CDH18: variants seen among roughly 807,000 people sequenced by gnomAD.
CDH18 encodes cadherin-18.
Under a neutral mutation model 67.9 loss-of-function variants are expected in CDH18, and 31 were observed. That is an observed-to-expected ratio of 0.46 (90% CI 0.34 to 0.62). The LOEUF is 0.62. Ranked by LOEUF, CDH18 falls within the 20% of genes least tolerant of loss-of-function variation. The pLI is 0.01. For synonymous variants in CDH18, 362 were observed against 347.2 expected, an observed-to-expected ratio of 1.04 and a Z score of -0.48; for missense variants, 890 against 975.5, an observed-to-expected ratio of 0.91 and a Z score of 1.17.
At chr5:19,960,000 G>A (rs1156746903) in intron 2 of CDH18, among the ~76,000 whole-genome samples, 3 of 152,028 alleles carry the variant, frequency 2.0e-5, no homozygotes, top group African/African-American at 7.3e-5. Context: ...TGCTAAAAAG[G>A]AAGCTTGTGG....
chr5:20,337,092 T>TTC (rs1340718337), intron 1 of CDH18, among the ~76,000 whole-genome samples: 1 of 152,164 alleles, frequency 6.6e-6, no homozygotes, highest in East Asian at 1.9e-4. Context: ...GAAACCTGAT[T>TTC]TCAGACCCCC....
chr5:20,483,116 T>A (rs1752930309), intron 1 of CDH18, among the ~76,000 whole-genome samples: 1 of 152,024 alleles, frequency 6.6e-6, no homozygotes, highest in South Asian at 2.1e-4. Flanking sequence ...TGTTTCTATG[T>A]GTCAATAGTG....
chr5:20,217,895 T>C (rs1368313399), intron 2 of CDH18, among the ~76,000 whole-genome samples: 1 of 151,576 alleles, frequency 6.6e-6, no homozygotes, highest in African/African-American at 2.4e-5. Flanking sequence ...GATTTCAAGA[T>C]AAAAACTGTA....
chr5:20,381,255 C>T (rs553212356), intron 1 of CDH18, among the ~76,000 whole-genome samples: 1 of 152,164 alleles, frequency 6.6e-6, no homozygotes, highest in Non-Finnish European at 1.5e-5. Context: ...TTAAGTCACA[C>T]AGCCTGTGGT....
intron 2 of CDH18, among the ~76,000 whole-genome samples, chr5:20,092,892 A>G (rs1207361828): frequency 6.6e-6 from 1 of 152,194 alleles, no homozygotes; most frequent in Non-Finnish European, 1.5e-5. Context: ...TGTAAATCTG[A>G]CTGAGATCAC....
chr5:20,285,571 T>C (rs1331952001), intron 1 of CDH18, among the ~76,000 whole-genome samples: 1 of 151,410 alleles, frequency 6.6e-6, no homozygotes, highest in Non-Finnish European at 1.5e-5. Flanking sequence ...ATAAAGTGTA[T>C]TTATAAAGAA....
At chr5:19,568,560 A>C (rs866000215) in intron 8 of CDH18, among the ~76,000 whole-genome samples, 1 of 152,170 alleles carries the variant, frequency 6.6e-6, no homozygotes, top group Non-Finnish European at 1.5e-5. Flanking sequence ...TCTTCTTAGC[A>C]GCCAAACTGA....
At chr5:19,635,588 G>A (rs1485880840) in intron 5 of CDH18, among the ~76,000 whole-genome samples, 2 of 152,098 alleles carry the variant, frequency 1.3e-5, no homozygotes, top group African/African-American at 4.8e-5. Context: ...TGATTAATAA[G>A]TGATTGAGGT....
chr5:20,505,122 A>C (rs577503076), intron 1 of CDH18, among the ~76,000 whole-genome samples: 3 of 152,042 alleles, frequency 2.0e-5, no homozygotes, highest in Non-Finnish European at 2.9e-5. Flanking sequence ...AATCTATTAT[A>C]TGGGGGAAAT....
intron 2 of CDH18, among the ~76,000 whole-genome samples, chr5:20,006,536 CAAAT>C (rs1008589693): frequency 1.3e-5 from 2 of 151,790 alleles, no homozygotes; most frequent in Non-Finnish European, 2.9e-5. Flanking sequence ...TAATTAGAAA[CAAAT>C]AAGTGTTAGT....
intron 1 of CDH18, among the ~76,000 whole-genome samples, chr5:20,377,914 T>TCAATTATGAATTTGCTCCTTTAATGGAG (rs6148934): frequency 1.6e-4 from 25 of 151,516 alleles, no homozygotes; most frequent in East Asian, 5.9e-4. Context: ...TTTTAACTTC[T>TCAATTATGAATTTGCTCCTTTAATGGAG]CAATTATGAA....
chr5:19,550,657 C>A (rs1417592720), intron 8 of CDH18, among the ~76,000 whole-genome samples: 1 of 152,170 alleles, frequency 6.6e-6, no homozygotes, highest in Non-Finnish European at 1.5e-5. Flanking sequence ...TTAATCCAGT[C>A]TATCATTCTT....
chr5:20,389,801 T>A (rs1179692095), intron 1 of CDH18, among the ~76,000 whole-genome samples: 1 of 151,976 alleles, frequency 6.6e-6, no homozygotes, highest in Non-Finnish European at 1.5e-5. Flanking sequence ...TATAGACCAA[T>A]GGAAAAGAAC....
intron 3 of CDH18, among the ~76,000 whole-genome samples, chr5:19,782,176 G>A (rs1775192287): frequency 1.3e-5 from 2 of 152,158 alleles, no homozygotes; most frequent in South Asian, 4.1e-4. Context: ...CACATGTCTG[G>A]GGAGGCCTCA....
At chr5:20,088,291 T>G (rs1745142417) in intron 2 of CDH18, among the ~76,000 whole-genome samples, 1 of 152,218 alleles carries the variant, frequency 6.6e-6, no homozygotes, top group South Asian at 2.1e-4. Flanking sequence ...AGTGAATATT[T>G]GACTTCCTAG....
At chr5:20,005,439 C>T (rs1333936459) in intron 2 of CDH18, among the ~76,000 whole-genome samples, 2 of 151,564 alleles carry the variant, frequency 1.3e-5, no homozygotes, top group African/African-American at 4.8e-5. Flanking sequence ...CACACACACA[C>T]ACACACACAC....
chr5:20,157,626 G>A (rs1751635061), intron 2 of CDH18, among the ~76,000 whole-genome samples: 2 of 145,776 alleles, frequency 1.4e-5, no homozygotes, highest in South Asian at 4.4e-4. Context: ...TTTATTGTAT[G>A]TTTGCACCCT....
chr5:19,929,774 T>C (rs1793478627), intron 2 of CDH18, among the ~76,000 whole-genome samples: 1 of 152,086 alleles, frequency 6.6e-6, no homozygotes, highest in Non-Finnish European at 1.5e-5. Flanking sequence ...AGGCTTTACC[T>C]CTTATTTGCA....
At chr5:20,374,721 T>C (rs913093142) in intron 1 of CDH18, among the ~76,000 whole-genome samples, 1 of 152,144 alleles carries the variant, frequency 6.6e-6, no homozygotes, top group Non-Finnish European at 1.5e-5. Context: ...AATTTAACTT[T>C]GAATGTTCTT....
Sources: gnomAD v4.1 joint callset for allele counts (sites outside exome capture counted in the v4.1 genomes callset) on GRCh38, gnomAD v4.1.1 for gene constraint, MANE v1.5 for transcripts, NCBI Gene and HGNC (gene_info 2026-07-23, HGNC 2026-07-21) for gene names.